Variants in PLD5 observed in about 807,000 individuals in gnomAD.
PLD5 encodes inactive phospholipase D5.
A neutral mutation model predicts 61.1 loss-of-function variants in PLD5; 36 were observed. The ratio of observed to expected loss-of-function variants is 0.59; its 90% CI spans 0.45 to 0.78. PLD5 has a LOEUF of 0.78. Among genes scored for constraint, PLD5 ranks in the 30% least tolerant of loss-of-function variants. The pLI is 0.00. For synonymous variants in PLD5, 243 were observed against 242.8 expected (o/e 1.00, Z -0.01); for missense variants, 515 against 644.4 (o/e 0.80, Z 2.17).
At chr1:242,515,140 C>T (rs2103005941) in intron 1 of PLD5, among the ~76,000 whole-genome samples, 1 of 152,288 alleles carries the variant, frequency 6.6e-6, no homozygotes, top group Non-Finnish European at 1.5e-5. Flanking sequence ...ATTTTACCCT[C>T]AGAAGTAATC....
chr1:242,253,780 T>C (rs1205270659), intron 4 of PLD5, among the ~76,000 whole-genome samples: 1 of 152,212 alleles, frequency 6.6e-6, no homozygotes, highest in African/African-American at 2.4e-5. Context: ...TTCTTATGTA[T>C]TAGGGATAAA....
chr1:242,217,287 T>C (rs1574540086), intron 5 of PLD5, among the ~76,000 whole-genome samples: 1 of 152,130 alleles, frequency 6.6e-6, no homozygotes, highest in East Asian at 1.9e-4. Context: ...CAAATTAAAT[T>C]GAAAATCTTC....
intron 5 of PLD5, among the ~76,000 whole-genome samples, chr1:242,135,842 G>C (rs577871434): frequency 6.6e-6 from 1 of 152,252 alleles, no homozygotes; most frequent in South Asian, 2.1e-4. Flanking sequence ...CCTTTTGGAA[G>C]CATTAAAAAA....
rs754233400 is a variant in PLD5, at chr1:242,089,719, T to C, written c.*135A>G. On this transcript the variant is annotated 3_prime_UTR_variant, in exon 10 of 10. Transcript: ENST00000536534. The stretch of plus-strand genomic sequence containing the variant: ...AAGATATTGTTAGATAGGTATTATG[T>C]GTTGTTCAGAGAATATTTTTTATAA... 7 of 1,127,428 alleles carry C rather than the reference T, an allele frequency of 6.2e-6. No individual in the cohort carries two copies. The highest frequency in any genetic ancestry group is 9.0e-6 in the Non-Finnish European group (7 of 781,082). The allele number at this position is 1,127,428 out of a possible 1,614,324, so 69.8% of individuals were successfully genotyped here. A position where few individuals can be genotyped will look rare whatever the true frequency, so the allele number is the denominator to read the frequency against.
intron 5 of PLD5, among the ~76,000 whole-genome samples, chr1:242,138,185 T>C (rs79114225): frequency 6.6e-6 from 1 of 152,178 alleles, no homozygotes; most frequent in Non-Finnish European, 1.5e-5. Flanking sequence ...AATAATTAAA[T>C]ACTGAGCATC....
At chr1:242,386,387 G>C (rs1662602614) in intron 1 of PLD5, among the ~76,000 whole-genome samples, 1 of 152,126 alleles carries the variant, frequency 6.6e-6, no homozygotes, top group Non-Finnish European at 1.5e-5. Context: ...TGATCCGTGT[G>C]AGCATCAGTA....
intron 1 of PLD5, among the ~76,000 whole-genome samples, chr1:242,407,991 ATTT>A (rs988122816): frequency 3.3e-5 from 5 of 152,166 alleles, no homozygotes; most frequent in Admixed American, 3.3e-4. Context: ...AGCTATTAAT[ATTT>A]TTTATTTTTT....
intron 5 of PLD5, among the ~76,000 whole-genome samples, chr1:242,173,402 G>T (rs1666892089): frequency 6.6e-6 from 1 of 152,076 alleles, no homozygotes; most frequent in Non-Finnish European, 1.5e-5. Flanking sequence ...AATAAAAGAG[G>T]ATACAAACAA....
At chr1:242,244,250 T>C (rs1382876381) in intron 4 of PLD5, among the ~76,000 whole-genome samples, 1 of 152,186 alleles carries the variant, frequency 6.6e-6, no homozygotes. Context: ...AATACGATGA[T>C]GTATTCTTGC....
Position 242,434,667 on chromosome 1 carries a change from G to A in PLD5, c.190-86425C>T, listed in dbSNP as rs182014538. Among the ~76,000 whole-genome samples the A allele has an allele frequency of 1.5e-3, 226 of 152,238 alleles. 2 individuals carry two copies. The highest frequency in any genetic ancestry group is 5.1e-3 in the African/African-American group (212 of 41,520). On this transcript the variant is annotated intron_variant, in intron 1 of 9. Transcript: ENST00000536534. ...CTCACTGTGTCACCCAGGCTAGAGT[G>A]TAGTGGTGCAATCTCGGCTCACTGC...
At chr1:242,306,740 AACACACACACACACACACACACACAC>A (rs34083497) in intron 2 of PLD5, among the ~76,000 whole-genome samples, 1 of 141,036 alleles carries the variant, frequency 7.1e-6, no homozygotes. Flanking sequence ...AATTTATTAA[AACACACACACACACACACACACACAC>A]ACACACACAC....
chr1:242,343,866 G>A (rs1032275090), intron 2 of PLD5, among the ~76,000 whole-genome samples: 3 of 152,096 alleles, frequency 2.0e-5, no homozygotes, highest in Non-Finnish European at 4.4e-5. Flanking sequence ...TAGATGGGAG[G>A]AAAATTAAGA....
intron 5 of PLD5, among the ~76,000 whole-genome samples, chr1:242,174,144 A>C (rs2148884586): frequency 6.6e-6 from 1 of 152,292 alleles, no homozygotes; most frequent in African/African-American, 2.4e-5. Flanking sequence ...TTTGCAATCT[A>C]CTCATCTGAC....
intron 2 of PLD5, among the ~76,000 whole-genome samples, chr1:242,318,199 G>C (rs1658141861): frequency 1.3e-5 from 2 of 152,168 alleles, no homozygotes; most frequent in African/African-American, 4.8e-5. Flanking sequence ...GTAGAAGAAA[G>C]GGCGGTGCTC....
chr1:242,232,993 A>G (rs1300357656), intron 4 of PLD5, among the ~76,000 whole-genome samples: 2 of 152,178 alleles, frequency 1.3e-5, no homozygotes, highest in African/African-American at 2.4e-5. Context: ...CGTCTCTACA[A>G]AAAATAAAAA....
chr1:242,298,227 C>G (rs1381394849), intron 2 of PLD5, among the ~76,000 whole-genome samples: 1 of 152,124 alleles, frequency 6.6e-6, no homozygotes, highest in East Asian at 1.9e-4. Flanking sequence ...GGCAGATGAA[C>G]GCCTCATTAT....
intron 5 of PLD5, among the ~76,000 whole-genome samples, chr1:242,201,373 A>G (rs781636633): frequency 5.3e-5 from 8 of 152,220 alleles, no homozygotes; most frequent in Non-Finnish European, 1.2e-4. Flanking sequence ...ATTTTTTCCA[A>G]TTAAAAATAT....
chr1:242,280,352 T>A (rs1251763989), intron 3 of PLD5, among the ~76,000 whole-genome samples: 1 of 152,202 alleles, frequency 6.6e-6, no homozygotes, highest in East Asian at 1.9e-4. Context: ...CGCTGAGAAC[T>A]AAATATAAAC....
At chr1:242,410,498 G>T (rs76202135) in intron 1 of PLD5, among the ~76,000 whole-genome samples, 2,645 of 152,096 alleles carry the variant, frequency 0.017, 83 homozygotes, top group African/African-American at 0.06. Flanking sequence ...TTGACATGCT[G>T]GAAGAAAAGG....
Sources: allele counts gnomAD v4.1 joint callset (sites outside exome capture counted in the v4.1 genomes callset), GRCh38; gene constraint gnomAD v4.1.1; transcripts MANE v1.5; gene names NCBI Gene and HGNC (gene_info 2026-07-23, HGNC 2026-07-21).